Variants in ZNF248 observed in about 807,000 individuals in gnomAD.
ZNF248 encodes the protein KRAB protein domain.
In ZNF248, 20 loss-of-function variants were observed where a neutral mutation model predicts 44.3. That is an observed-to-expected ratio of 0.45 (90% CI 0.32 to 0.66). The LOEUF (loss-of-function observed/expected upper bound fraction) is 0.66. ZNF248 is among the 30% of genes least tolerant of loss of function. The probability of loss-of-function intolerance (pLI) is 0.04; values close to 1 mark genes in which losing one functional copy is unlikely to be tolerated. For synonymous variants in ZNF248, 224 were observed against 229.0 expected (o/e 0.98, Z 0.20); for missense variants, 654 against 677.0 (o/e 0.97, Z 0.38).
At chr10:37,810,566 G>T (rs1217228327) in intron 6 of ZNF248, among the ~76,000 whole-genome samples, 1 of 151,922 alleles carries the variant, frequency 6.6e-6, no homozygotes, top group Non-Finnish European at 1.5e-5. Flanking sequence ...AAAGTTTTTG[G>T]AGATATGTGA....
intron 6 of ZNF248, among the ~76,000 whole-genome samples, chr10:37,805,439 C>G (rs2050415877): frequency 6.6e-6 from 1 of 152,180 alleles, no homozygotes; most frequent in Admixed American, 6.5e-5. Context: ...CTAAACCAAT[C>G]AGAAGCAGCC....
intron 3 of ZNF248, among the ~76,000 whole-genome samples, chr10:37,854,886 T>C (rs968470655): frequency 2.0e-5 from 3 of 152,174 alleles, no homozygotes; most frequent in Non-Finnish European, 4.4e-5. Context: ...GAAAAAGGAA[T>C]AATGGAAAAT....
At chr10:37,798,108 G>A (rs769191758) in intron 6 of ZNF248, among the ~76,000 whole-genome samples, 1 of 152,056 alleles carries the variant, frequency 6.6e-6, no homozygotes. Flanking sequence ...TGGTATATCT[G>A]TACAATGTAA....
rs2056201001 is a variant in ZNF248, at chr10:37,832,883, T to C, written c.472A>G (p.Lys158Glu). The stretch of plus-strand genomic sequence containing the variant: ...TCAGGCTTCTTTCTGGAACAGTTCT[T>C]TTTACTAATAATTAAGCCCGAAATA... Reference protein sequence around the residue: ...KNISGLIISKKNCSRKKPDEF... With the variant: ...KNISGLIISKENCSRKKPDEF... The change falls in exon 6 of 6, where the codon AAG (lysine) becomes GAG (glutamate). Residue 158 changes from lysine to glutamate, a missense_variant. Lys to Glu is a moderately conservative substitution (Grantham distance 56). Transcript: ENST00000395867. 1 of 1,613,448 alleles carries C rather than the reference T, an allele frequency of 6.2e-7. No homozygotes were observed. The highest frequency in any genetic ancestry group is 1.7e-5 in the Admixed American group (1 of 59,890).
chr10:37,834,751 A>G (rs924524825), intron 5 of ZNF248, among the ~76,000 whole-genome samples: 3 of 152,242 alleles, frequency 2.0e-5, no homozygotes, highest in African/African-American at 7.2e-5. Context: ...ATTACTATTC[A>G]ATTTCTAAAC....
At chr10:37,835,545 T>C (rs770674126) in intron 5 of ZNF248, among the ~76,000 whole-genome samples, 7 of 152,186 alleles carry the variant, frequency 4.6e-5, no homozygotes, top group Admixed American at 1.3e-4. Context: ...GGTTGGCATA[T>C]AACTGCACGG....
intron 6 of ZNF248, among the ~76,000 whole-genome samples, chr10:37,821,686 C>T (rs928591189): frequency 2.0e-5 from 3 of 152,216 alleles, no homozygotes; most frequent in Non-Finnish European, 4.4e-5. Flanking sequence ...TACCCTTACT[C>T]CCTCTTCAAC....
intron 3 of ZNF248, among the ~76,000 whole-genome samples, chr10:37,841,015 C>T (rs925020023): frequency 1.3e-5 from 2 of 152,152 alleles, no homozygotes; most frequent in Admixed American, 6.5e-5. Context: ...TATGGTTAAA[C>T]CAAAGGAAGA....
At chr10:37,805,013 T>C (rs1168917815) in intron 6 of ZNF248, among the ~76,000 whole-genome samples, 1 of 152,224 alleles carries the variant, frequency 6.6e-6, no homozygotes, top group Non-Finnish European at 1.5e-5. Flanking sequence ...TAAAAGAAGA[T>C]ATAGTTACTA....
chr10:37,834,896 G>C (rs890922617), intron 5 of ZNF248, among the ~76,000 whole-genome samples: 7 of 152,082 alleles, frequency 4.6e-5, no homozygotes, highest in Admixed American at 3.3e-4. Context: ...AAATTTTAGG[G>C]AGCAGAAACA....
chr10:37,772,598 G>A (rs978086792), downstream of ZNF248, among the ~76,000 whole-genome samples: 1 of 152,290 alleles, frequency 6.6e-6, no homozygotes, highest in East Asian at 1.9e-4. Context: ...AAATCAACCA[G>A]AGAGAAAAAG....
At chr10:37,771,093 A>T in the ZNF248 span, among the ~76,000 whole-genome samples, 6 of 152,192 alleles carry the variant, frequency 3.9e-5, no homozygotes, top group Admixed American at 3.3e-4. Context: ...CACCAGTTAG[A>T]ATGGCGATCA....
intron 6 of ZNF248, among the ~76,000 whole-genome samples, chr10:37,780,779 T>C (rs1047506261): frequency 2.0e-5 from 3 of 152,030 alleles, no homozygotes; most frequent in Non-Finnish European, 4.4e-5. Flanking sequence ...CCGCTCCCAC[T>C]GCCCCCGAGC....
the ZNF248 span, among the ~76,000 whole-genome samples, chr10:37,767,901 C>T: frequency 4.1e-4 from 63 of 152,148 alleles, 3 homozygotes; most frequent in East Asian, 0.012. Flanking sequence ...CAGAGACACA[C>T]ATAGGCTCAA....
chr10:37,760,007 G>A, the ZNF248 span, among the ~76,000 whole-genome samples: 2 of 152,178 alleles, frequency 1.3e-5, no homozygotes, highest in African/African-American at 4.8e-5. Flanking sequence ...GAGCAGAGCT[G>A]TCCAGAAGAG....
chr10:37,823,896 C>T (rs891212737), downstream of ZNF248, among the ~76,000 whole-genome samples: 12 of 151,412 alleles, frequency 7.9e-5, no homozygotes, highest in African/African-American at 2.4e-4. Flanking sequence ...TTAATGGCTA[C>T]GATAAACTAA....
chr10:37,831,037 T>C lies in ZNF248; in HGVS notation c.*578A>G. 9.6e-7 allele frequency: 1 copy of C among 1,041,830 alleles called. No homozygotes were observed. Among genetic ancestry groups the C allele is most frequent in the African/African-American group, 1.7e-5 (1 of 60,582 alleles). The allele number at this position is 1,041,830 out of a possible 1,614,324, so 64.5% of individuals were successfully genotyped here. On this transcript the variant is annotated 3_prime_UTR_variant, in exon 6 of 6. Coordinates refer to ENST00000395867, the MANE Select transcript of ZNF248 (RefSeq NM_021045.3). Reference sequence around the variant, plus strand: ...GTATGTGTGTAGAAATATATTTACATATACACACAAACATATGTACATACA... The same window carrying C: ...GTATGTGTGTAGAAATATATTTACACATACACACAAACATATGTACATACA...
At chr10:37,764,786 T>C in the ZNF248 span, among the ~76,000 whole-genome samples, 6 of 152,220 alleles carry the variant, frequency 3.9e-5, no homozygotes, top group African/African-American at 7.2e-5. Flanking sequence ...AAAGTTAATA[T>C]AGGATGTTTA....
chr10:37,824,954 C>A (rs2054139114), downstream of ZNF248, among the ~76,000 whole-genome samples: 1 of 149,904 alleles, frequency 6.7e-6, no homozygotes, highest in Non-Finnish European at 1.5e-5. Context: ...TCCCAAAGTG[C>A]TGGGATTACA....
Sources: allele counts gnomAD v4.1 joint callset (sites outside exome capture counted in the v4.1 genomes callset), GRCh38; gene constraint gnomAD v4.1.1; transcripts MANE v1.5; gene names NCBI Gene and HGNC (gene_info 2026-07-23, HGNC 2026-07-21).